FAT1: variants seen among roughly 807,000 people sequenced by gnomAD.
FAT1 encodes the protein FAT atypical cadherin 1.
Under a neutral mutation model 329.8 loss-of-function variants are expected in FAT1, and 171 were observed. The observed-to-expected ratio is 0.52, with a 90% CI of 0.46 to 0.59. FAT1 has a LOEUF of 0.59. FAT1 is among the 20% of genes least tolerant of loss of function. The pLI, the probability that FAT1 is intolerant of heterozygous loss-of-function variation, is 0.00. For synonymous variants in FAT1, 2,233 were observed against 2,228.6 expected (o/e 1.00, Z -0.06); for missense variants, 5,672 against 5,774.4 (o/e 0.98, Z 0.57).
intron 3 of FAT1, among the ~76,000 whole-genome samples, chr4:186,653,431 T>C (rs1560968505): frequency 6.6e-6 from 1 of 152,164 alleles, no homozygotes; most frequent in Non-Finnish European, 1.5e-5. Flanking sequence ...AATACAAACA[T>C]CCTTTCTAAG....
intron 2 of FAT1, among the ~76,000 whole-genome samples, chr4:186,678,593 T>G (rs1437619285): frequency 6.7e-6 from 1 of 148,672 alleles, no homozygotes; most frequent in African/African-American, 2.4e-5. Context: ...TTATTGTATA[T>G]TATTGATATT....
intron 22 of FAT1, 88 bp from the exon 23 acceptor site, chr4:186,598,213 C>A (rs2126404282): frequency 7.9e-7 from 1 of 1,272,678 alleles, no homozygotes; most frequent in South Asian, 1.9e-5. Flanking sequence ...TCTTTATTCT[C>A]CGAGGTCTGT....
chr4:186,722,508 G>A (rs78351681), intron 1 of FAT1, among the ~76,000 whole-genome samples: 3,347 of 152,268 alleles, frequency 0.022, 132 homozygotes, highest in African/African-American at 0.075. Flanking sequence ...AATTCTAACT[G>A]TGGAATCAGA....
chr4:186,646,170 T>C (rs1741374862), intron 3 of FAT1, among the ~76,000 whole-genome samples: 3 of 152,054 alleles, frequency 2.0e-5, no homozygotes, highest in Non-Finnish European at 4.4e-5. Context: ...TGCAGCCCTA[T>C]GTTCACCTCA....
intron 6 of FAT1, 80 bp downstream of exon 6, chr4:186,635,945 T>C: frequency 8.1e-7 from 1 of 1,230,970 alleles, no homozygotes; most frequent in Non-Finnish European, 1.2e-6. Context: ...TCCTGACTTG[T>C]GCCCAAAACT....
chr4:186,661,019 A>G lies in FAT1; in HGVS notation c.3580+2280T>C, dbSNP rs548964478. 3.7e-4 allele frequency among the ~76,000 whole-genome samples: 57 copies of G among 152,350 alleles called. 1 individual carries two copies. The Middle Eastern group carries it at 0.01, about 27-fold the overall frequency. ...CTAATCTAAAAGAGAGACAGAAGAC[A>G]CAAGAAAATTGAAAACACTGCTTAG... is the stretch of plus-strand genomic sequence containing the variant. On this transcript the variant is annotated intron_variant, in intron 3 of 26. Coordinates refer to ENST00000441802, the MANE Select transcript of FAT1 (RefSeq NM_005245.4).
rs1738501773 is a variant in FAT1 at position 186,596,194 on chromosome 4, C to T, written c.13000+346G>A. ...TATAAATATTTCCACTTCGCCAGGT[C>T]ATATTTTTAAAAATCCTAGCATGAA... On this transcript the variant is annotated intron_variant, in intron 25 of 26. Transcript: ENST00000441802. This position sits in a 1 kb window ranked among gnomAD's most constrained non-coding sequence, Gnocchi z 4.7. 6.6e-6 allele frequency among the ~76,000 whole-genome samples: 1 copy of T among 152,070 alleles called. No individual in the cohort carries two copies. The highest frequency in any genetic ancestry group is 1.5e-5 in the Non-Finnish European group (1 of 68,008).
At chr4:186,705,439 G>A (rs899694266) in intron 2 of FAT1, among the ~76,000 whole-genome samples, 16 of 152,066 alleles carry the variant, frequency 1.1e-4, no homozygotes, top group Non-Finnish European at 1.5e-5. Flanking sequence ...AGTACACATG[G>A]GTGAGATTAG....
intron 2 of FAT1, among the ~76,000 whole-genome samples, chr4:186,667,312 A>AG (rs1335389433): frequency 6.6e-6 from 1 of 150,878 alleles, no homozygotes; most frequent in Non-Finnish European, 1.5e-5. Context: ...GTCCATCAGG[A>AG]GGGGATTGTC....
chr4:186,672,923 T>C (rs1010572740), intron 2 of FAT1, among the ~76,000 whole-genome samples: 2 of 152,158 alleles, frequency 1.3e-5, no homozygotes, highest in African/African-American at 4.8e-5. Flanking sequence ...TTCCCAACAT[T>C]TGAAAATCTG....
Position 186,636,205 on chromosome 4 carries a change from T to G in FAT1, c.4003A>C (p.Lys1335Gln). The G allele has an allele frequency of 1.2e-6, 2 of 1,614,012 alleles. No homozygotes were observed. Among genetic ancestry groups the G allele is most frequent in the Non-Finnish European group, 1.7e-6 (2 of 1,179,886 alleles). The change falls in exon 6 of 27, where the codon AAG (lysine) becomes CAG (glutamine). Residue 1335 changes from lysine to glutamine, a missense_variant. Coordinates refer to ENST00000441802, the MANE Select transcript of FAT1 (RefSeq NM_005245.4). ...ATATGGAGTCTGGTGGTTGATGACT[T>G]TTGAGGGCGACCATTGTCAACTGCC... ...IKAVDNGRPQ[K>Q]SSTTRLHIEW... is the part of the protein sequence containing the mutation.
intron 16 of FAT1, among the ~76,000 whole-genome samples, chr4:186,608,168 A>G (rs868318417): frequency 6.6e-6 from 1 of 152,322 alleles, no homozygotes; most frequent in African/African-American, 2.4e-5. Flanking sequence ...AGCTTTGTGG[A>G]TTCTAATTTT....
At chr4:186,638,858 C>A (rs540202434) in intron 4 of FAT1, among the ~76,000 whole-genome samples, 1 of 150,048 alleles carries the variant, frequency 6.7e-6, no homozygotes, top group African/African-American at 2.5e-5. Flanking sequence ...TTTTCCAAGG[C>A]TGGCTCCGAT....
chr4:186,604,730 G>A (rs1739010871), intron 17 of FAT1, among the ~76,000 whole-genome samples, 156 bp from the exon 18 acceptor site: 1 of 152,174 alleles, frequency 6.6e-6, no homozygotes, highest in African/African-American at 2.4e-5. Flanking sequence ...AGACGGGAGT[G>A]TGGTGGTGAG....
chr4:186,610,657 A>T lies in FAT1; in HGVS notation c.9854-642T>A, dbSNP rs1435885630. ...TATAATTTATATAATTTATATAAAT[A>T]TAAATTATATAATTTATATAAATAT... On this transcript the variant is annotated intron_variant, in intron 14 of 26. Transcript: ENST00000441802. Among the ~76,000 whole-genome samples, 2 of 85,956 alleles carry T rather than the reference A, an allele frequency of 2.3e-5. 1 individual carries two copies. Among genetic ancestry groups the T allele is most frequent in the Non-Finnish European group, 5.0e-5 (2 of 40,362 alleles). 56.4% of individuals were successfully genotyped at this position (85,956 alleles called of 152,430 possible).
intron 14 of FAT1, 87 bp from the exon 15 acceptor site, chr4:186,610,102 A>C: frequency 1.3e-6 from 1 of 760,980 alleles, no homozygotes; most frequent in South Asian, 1.8e-5. Context: ...GCTTTTGAGT[A>C]CATTTAGTTT....
At chr4:186,623,542 A>G (rs997618741) in intron 9 of FAT1, among the ~76,000 whole-genome samples, 3 of 152,224 alleles carry the variant, frequency 2.0e-5, no homozygotes, top group Non-Finnish European at 4.4e-5. Flanking sequence ...CTTATTGTAC[A>G]GGATAATCTT....
Position 186,706,440 on chromosome 4 carries a change from G to A in FAT1, c.3265+123C>T, listed in dbSNP as rs570815264. The A allele has an allele frequency of 2.7e-5, 27 of 982,514 alleles. No individual in the cohort carries two copies. The Admixed American group carries it at 2.9e-4, about 11-fold the overall frequency. 60.9% of individuals were successfully genotyped at this position (982,514 alleles called of 1,614,324 possible). A position where few individuals can be genotyped will look rare whatever the true frequency, so the allele number is the denominator to read the frequency against. Reference sequence around the variant, plus strand: ...GCCGGGCCAAAAAAAATATTCACACGCACTTCTATACCGAGCCCAAAGAGC... The same window carrying A: ...GCCGGGCCAAAAAAAATATTCACACACACTTCTATACCGAGCCCAAAGAGC... On this transcript the variant is annotated intron_variant, in intron 2 of 26. Coordinates refer to ENST00000441802, the MANE Select transcript of FAT1 (RefSeq NM_005245.4).
chr4:186,610,648 TATATAA>T (rs1234603449), intron 14 of FAT1, among the ~76,000 whole-genome samples: 2 of 86,728 alleles, frequency 2.3e-5, no homozygotes, highest in Admixed American at 1.5e-4. Context: ...TTATATAATT[TATATAA>T]ATATAAATTA....
Sources: gnomAD v4.1 joint callset for allele counts (sites outside exome capture counted in the v4.1 genomes callset) on GRCh38, gnomAD v4.1.1 for gene constraint, Gnocchi (gnomAD v3.1) non-coding constraint, MANE v1.5 for transcripts, NCBI Gene and HGNC (gene_info 2026-07-23, HGNC 2026-07-21) for gene names.